Variants in MFHAS1 observed in about 807,000 individuals in gnomAD.
MFHAS1 encodes the protein malignant fibrous histiocytoma-amplified sequence 1.
MFHAS1 carries 50 observed loss-of-function variants against 70.4 expected under a neutral mutation model. That is an observed-to-expected ratio of 0.71 (90% CI 0.57 to 0.90). MFHAS1 has a LOEUF of 0.90. Ranked by LOEUF, MFHAS1 falls within the 40% of genes least tolerant of loss-of-function variation. The pLI is 0.00. For missense variants in MFHAS1, 1,795 were observed against 1,347.6 expected (o/e 1.33, Z -5.20); for synonymous variants, 952 against 620.0 (o/e 1.54, Z -7.96).
At chr8:8,857,566 G>T (rs998896924) in intron 1 of MFHAS1, among the ~76,000 whole-genome samples, 2 of 152,024 alleles carry the variant, frequency 1.3e-5, no homozygotes, top group South Asian at 4.2e-4. Flanking sequence ...AGACCAGCCT[G>T]GCCAATATTG....
intron 1 of MFHAS1, among the ~76,000 whole-genome samples, chr8:8,856,244 T>C (rs1282409385): frequency 6.6e-6 from 1 of 152,206 alleles, no homozygotes; most frequent in Admixed American, 6.5e-5. Context: ...GAGTCACTGG[T>C]CAGGTGGGGT....
rs953992631 is a variant in MFHAS1 at position 8,784,604 on chromosome 8, T to C, written c.*1418A>G. Reference sequence around the variant, plus strand: ...TTTTAAAAAACATGTTGAGACTTTGTATACTGTAGCCTTCCAAGAGTCAAT... The same window carrying C: ...TTTTAAAAAACATGTTGAGACTTTGCATACTGTAGCCTTCCAAGAGTCAAT... On this transcript the variant is annotated 3_prime_UTR_variant, in exon 3 of 3. Coordinates refer to ENST00000276282, the MANE Select transcript of MFHAS1 (RefSeq NM_004225.3). 2 of 152,206 alleles carry C rather than the reference T, an allele frequency of 1.3e-5. No homozygotes were observed. The highest frequency in any genetic ancestry group is 2.9e-5 in the Non-Finnish European group (2 of 68,034). The allele number at this position is 152,206 out of a possible 1,614,324, so 9.4% of individuals were successfully genotyped here. A position where few individuals can be genotyped will look rare whatever the true frequency, so the allele number is the denominator to read the frequency against.
At chr8:8,850,776 G>A (rs1363656623) in intron 1 of MFHAS1, among the ~76,000 whole-genome samples, 12 of 143,364 alleles carry the variant, frequency 8.4e-5, no homozygotes, top group Admixed American at 4.3e-4. Context: ...AGTGAGTGGC[G>A]ATCGTGCCTG....
At chr8:8,884,596 A>G (rs1299496786) in intron 1 of MFHAS1, among the ~76,000 whole-genome samples, 1 of 152,206 alleles carries the variant, frequency 6.6e-6, no homozygotes, top group East Asian at 1.9e-4. Flanking sequence ...GGGAGTTGGG[A>G]AGCTAAACAA....
At position 8,783,375 on chromosome 8, in the gene MFHAS1, T is replaced by A. The variant is rs915845099; in HGVS notation, c.*2647A>T. 6.6e-6 allele frequency: 1 copy of A among 152,236 alleles called. No homozygotes were observed. Among genetic ancestry groups the A allele is most frequent in the Non-Finnish European group, 1.5e-5 (1 of 68,048 alleles). The allele number at this position is 152,236 out of a possible 1,614,324, so 9.4% of individuals were successfully genotyped here. A position where few individuals can be genotyped will look rare whatever the true frequency, so the allele number is the denominator to read the frequency against. ...ACTGTTTAACCATTTCTTTGTATTT[T>A]TATTGATTTTTCTTTTTTAATTTCT... On this transcript the variant is annotated 3_prime_UTR_variant, in exon 3 of 3. Transcript: ENST00000276282.
At chr8:8,830,337 T>C (rs536263602) in intron 1 of MFHAS1, among the ~76,000 whole-genome samples, 107 of 152,328 alleles carry the variant, frequency 7.0e-4, no homozygotes, top group African/African-American at 2.5e-3. Context: ...AAGACTAAGT[T>C]ATTATTAAGT....
chr8:8,824,566 CA>C (rs1807087309), intron 1 of MFHAS1, among the ~76,000 whole-genome samples: 5 of 134,200 alleles, frequency 3.7e-5, no homozygotes, highest in South Asian at 2.5e-4. Context: ...CACACACACA[CA>C]CCCCTTTCTG....
chr8:8,796,796 T>C (rs1444556559), intron 2 of MFHAS1, among the ~76,000 whole-genome samples: 8 of 148,866 alleles, frequency 5.4e-5, no homozygotes, highest in African/African-American at 7.5e-5. Context: ...GAGATCGAGA[T>C]CATCCTGGCT....
At chr8:8,816,432 G>C (rs1408673916) in intron 1 of MFHAS1, among the ~76,000 whole-genome samples, 1 of 152,182 alleles carries the variant, frequency 6.6e-6, no homozygotes, top group Non-Finnish European at 1.5e-5. Context: ...ATGCTTGACA[G>C]ATTCTGAGCG....
intron 1 of MFHAS1, among the ~76,000 whole-genome samples, chr8:8,889,057 G>C (rs1458711033): frequency 1.5e-5 from 2 of 134,356 alleles, no homozygotes; most frequent in African/African-American, 5.5e-5. Context: ...AAAAACCCCA[G>C]ACAACTAGTC....
rs560624003 is a variant in MFHAS1, at chr8:8,888,420, GT to G, written c.2998+1640del. ...GGGTCCCCTGGGGGTGGGGACCCAGGTGAGAAACGTGCAAGGATGCTATTGT... is the reference window on the plus strand; with the variant it reads ...GGGTCCCCTGGGGGTGGGGACCCAGGGAGAAACGTGCAAGGATGCTATTGT... On this transcript the variant is annotated intron_variant, in intron 1 of 2. Coordinates refer to ENST00000276282, the MANE Select transcript of MFHAS1 (RefSeq NM_004225.3). 2.6e-5 allele frequency among the ~76,000 whole-genome samples: 4 copies of G among 152,182 alleles called. No individual in the cohort carries two copies. In the South Asian group the frequency reaches 8.3e-4, roughly 32 times the overall value.
chr8:8,791,885 G>A (rs1012774179), intron 2 of MFHAS1, among the ~76,000 whole-genome samples: 3 of 152,294 alleles, frequency 2.0e-5, no homozygotes, highest in Non-Finnish European at 2.9e-5. Flanking sequence ...GCAGGAGCAA[G>A]ATAAGCCACT....
intron 1 of MFHAS1, among the ~76,000 whole-genome samples, chr8:8,854,629 G>C (rs181957773): frequency 1.3e-5 from 2 of 151,562 alleles, no homozygotes; most frequent in East Asian, 3.9e-4. Flanking sequence ...AGGTTGCAGT[G>C]AGCCAAGATT....
At chr8:8,887,120 C>T (rs1363367339) in intron 1 of MFHAS1, among the ~76,000 whole-genome samples, 1 of 152,120 alleles carries the variant, frequency 6.6e-6, no homozygotes, top group Non-Finnish European at 1.5e-5. Flanking sequence ...GAGCAAGACT[C>T]CATCTCAAAA....
intron 1 of MFHAS1, among the ~76,000 whole-genome samples, chr8:8,824,838 G>A (rs928698045): frequency 5.9e-5 from 9 of 152,230 alleles, no homozygotes; most frequent in Non-Finnish European, 1.2e-4. Flanking sequence ...AGGCCCCAAG[G>A]AACCCAGGAA....
intron 1 of MFHAS1, among the ~76,000 whole-genome samples, chr8:8,874,415 G>A (rs375731007): frequency 5.9e-5 from 9 of 151,608 alleles, no homozygotes; most frequent in African/African-American, 2.2e-4. Context: ...TTCATATGGA[G>A]GCATCTCAAA....
intron 2 of MFHAS1, among the ~76,000 whole-genome samples, chr8:8,793,765 G>A (rs1034473534): frequency 6.6e-6 from 1 of 152,198 alleles, no homozygotes; most frequent in African/African-American, 2.4e-5. Context: ...TTAGAGGCAT[G>A]GACTGGAACT....
intron 1 of MFHAS1, among the ~76,000 whole-genome samples, chr8:8,828,794 T>C (rs534416283): frequency 3.3e-5 from 5 of 152,294 alleles, no homozygotes; most frequent in South Asian, 2.1e-4. Flanking sequence ...TGAATAAGCA[T>C]TGAGCAAAAG....
intron 1 of MFHAS1, among the ~76,000 whole-genome samples, chr8:8,800,526 C>G (rs1374647324): frequency 6.6e-6 from 1 of 152,200 alleles, no homozygotes; most frequent in Non-Finnish European, 1.5e-5. Flanking sequence ...CAGAGAGCTG[C>G]AGGTCTGTAA....
Sources: gnomAD v4.1 joint callset for allele counts (sites outside exome capture counted in the v4.1 genomes callset) on GRCh38, gnomAD v4.1.1 for gene constraint, MANE v1.5 for transcripts, NCBI Gene and HGNC (gene_info 2026-07-23, HGNC 2026-07-21) for gene names.